FREM1: variants seen among roughly 807,000 people sequenced by gnomAD.
FREM1 encodes FRAS1-related extracellular matrix protein 1.
In FREM1, 220 loss-of-function variants were observed where a neutral mutation model predicts 210.1. The ratio of observed to expected loss-of-function variants is 1.05; its 90% CI spans 0.94 to 1.17. FREM1 has a LOEUF of 1.17. Among genes scored for constraint, FREM1 ranks in the 50% most tolerant of loss-of-function variants. The probability of loss-of-function intolerance (pLI) is 0.00; values close to 1 mark genes in which losing one functional copy is unlikely to be tolerated. For synonymous variants in FREM1, 1,189 were observed against 980.2 expected (o/e 1.21, Z -3.98); for missense variants, 3,454 against 2,675.5 (o/e 1.29, Z -6.42).
At position 14,811,873 on chromosome 9, in the gene FREM1, AC is replaced by A. The variant is rs1819470854; in HGVS notation, c.2893+938del. On this transcript the variant is annotated intron_variant, in intron 16 of 36. Coordinates refer to ENST00000380880, the MANE Select transcript of FREM1 (RefSeq NM_001379081.2). ...CTATACCACTCACCTGGCCTTACAT[AC>A]TTGATCATACTTCCTGCATTGGAAC... 3.9e-5 allele frequency among the ~76,000 whole-genome samples: 6 copies of A among 152,186 alleles called. No homozygotes were observed. The South Asian group carries it at 1.2e-3, about 32-fold the overall frequency.
At chr9:14,851,150 G>T in intron 6 of FREM1, 134 bp downstream of exon 6, 1 of 681,162 alleles carries the variant, frequency 1.5e-6, no homozygotes. Flanking sequence ...CAGTGAGTGT[G>T]CATCCTGATT....
rs1214927448 is a variant in FREM1 at position 14,776,128 on chromosome 9, C to G, written c.4518G>C (p.Leu1506=). 6.3e-7 allele frequency: 1 copy of G among 1,590,138 alleles called. No individual in the cohort carries two copies. The highest frequency in any genetic ancestry group is 1.2e-5 in the South Asian group (1 of 86,362). Residue 1506 remains leucine, a synonymous_variant, in exon 25 of 37, where the codon CTG becomes CTC. Coordinates refer to ENST00000380880, the MANE Select transcript of FREM1 (RefSeq NM_001379081.2). The stretch of plus-strand genomic sequence containing the variant: ...ACCCCTTGTTCCTGGTTACCACAGG[C>G]AGGGCTCTGTCCACAGTCTCCAGTG... ...EITLETVDRA[L]PVVTRNKGLR... is the part of the protein sequence containing the mutation.
At chr9:14,823,985 C>T (rs1821852053) in intron 12 of FREM1, 40 bp downstream of exon 12, 8 of 1,312,886 alleles carry the variant, frequency 6.1e-6, no homozygotes, top group Admixed American at 2.0e-5. Flanking sequence ...TAAGGGCACA[C>T]TTGCATCATG....
At chr9:14,796,995 T>C (rs1220734664) in intron 21 of FREM1, among the ~76,000 whole-genome samples, 1 of 152,170 alleles carries the variant, frequency 6.6e-6, no homozygotes, top group Non-Finnish European at 1.5e-5. Context: ...TTGACCCATA[T>C]GGAACACAGT....
chr9:14,809,097 C>A (rs189815743), intron 16 of FREM1, among the ~76,000 whole-genome samples: 1 of 152,118 alleles, frequency 6.6e-6, no homozygotes, highest in Non-Finnish European at 1.5e-5. Context: ...GTCTTTCCTG[C>A]GCTTTTCTCA....
At chr9:14,817,727 T>C (rs574757611) in intron 14 of FREM1, among the ~76,000 whole-genome samples, 2 of 152,320 alleles carry the variant, frequency 1.3e-5, no homozygotes, top group African/African-American at 4.8e-5. Flanking sequence ...AAAGGTATTT[T>C]ACTGAGGACT....
chr9:14,787,378 C>T (rs921050456), intron 23 of FREM1, among the ~76,000 whole-genome samples: 1 of 152,174 alleles, frequency 6.6e-6, no homozygotes, highest in African/African-American at 2.4e-5. Flanking sequence ...AATGTGTCTA[C>T]TCGGTATAGG....
chr9:14,747,737 G>A lies in FREM1; in HGVS notation c.5797-9C>T, dbSNP rs1842722435. 2.0e-6 allele frequency: 3 copies of A among 1,523,332 alleles called. No homozygotes were observed. Among genetic ancestry groups the A allele is most frequent in the Admixed American group, 2.0e-5 (1 of 49,612 alleles). The allele number at this position is 1,523,332 out of a possible 1,614,324, so 94.4% of individuals were successfully genotyped here. A position where few individuals can be genotyped will look rare whatever the true frequency, so the allele number is the denominator to read the frequency against. Reference sequence around the variant, plus strand: ...ACAGAGGATGGACGAACCTGAAATTGACAGAGAACAAAATATGAACAGAAT... The same window carrying A: ...ACAGAGGATGGACGAACCTGAAATTAACAGAGAACAAAATATGAACAGAAT... On this transcript the variant is annotated splice_polypyrimidine_tract_variant and intron_variant, in intron 31 of 36. Coordinates refer to ENST00000380880, the MANE Select transcript of FREM1 (RefSeq NM_001379081.2).
chr9:14,825,554 T>TATATATATATATATATATAG (rs1822263006), intron 10 of FREM1, among the ~76,000 whole-genome samples: 1 of 138,156 alleles, frequency 7.2e-6, no homozygotes, highest in Non-Finnish European at 1.5e-5. Flanking sequence ...TGTGTATATA[T>TATATATATATATATATATAG]ATATATATAT....
chr9:14,790,287 G>A (rs1851076299), intron 22 of FREM1, among the ~76,000 whole-genome samples: 1 of 152,048 alleles, frequency 6.6e-6, no homozygotes, highest in African/African-American at 2.4e-5. Context: ...TTGCCTTTAT[G>A]TCATTCTACT....
chr9:14,885,467 T>C (rs1431791386), intron 1 of FREM1, among the ~76,000 whole-genome samples: 1 of 152,216 alleles, frequency 6.6e-6, no homozygotes, highest in Non-Finnish European at 1.5e-5. Context: ...TCGCCCAGGC[T>C]AGCATGCAGT....
intron 14 of FREM1, among the ~76,000 whole-genome samples, chr9:14,818,290 A>G (rs767475748): frequency 2.0e-5 from 3 of 152,228 alleles, no homozygotes; most frequent in Admixed American, 6.5e-5. Flanking sequence ...GAAATCTCAA[A>G]AAACATTTTT....
chr9:14,874,220 C>G (rs914366661), intron 1 of FREM1, among the ~76,000 whole-genome samples: 1 of 151,810 alleles, frequency 6.6e-6, no homozygotes, highest in African/African-American at 2.4e-5. Context: ...TCCTGGGTAC[C>G]CTTGTTAACT....
intron 5 of FREM1, among the ~76,000 whole-genome samples, chr9:14,856,467 T>G (rs1828749227): frequency 6.6e-6 from 1 of 152,188 alleles, no homozygotes; most frequent in South Asian, 2.1e-4. Flanking sequence ...GTAATAATGT[T>G]CAATATTTGA....
chr9:14,841,660 C>T (rs1825717038), intron 9 of FREM1, 71 bp from the exon 10 acceptor site: 2 of 1,236,682 alleles, frequency 1.6e-6, no homozygotes, highest in Non-Finnish European at 2.2e-6. Flanking sequence ...TGATATTGGA[C>T]TTATCTTCAA....
intron 5 of FREM1, among the ~76,000 whole-genome samples, chr9:14,853,792 G>A (rs1009884176): frequency 3.3e-5 from 5 of 152,288 alleles, no homozygotes; most frequent in Non-Finnish European, 5.9e-5. Flanking sequence ...TCTAATCTTC[G>A]TGTGTCACTG....
At chr9:14,862,927 A>T (rs980769754) in intron 3 of FREM1, among the ~76,000 whole-genome samples, 14 of 152,150 alleles carry the variant, frequency 9.2e-5, no homozygotes, top group African/African-American at 3.4e-4. Flanking sequence ...ATAATGTTGC[A>T]TTGAACTTTA....
intron 1 of FREM1, among the ~76,000 whole-genome samples, chr9:14,870,117 T>C (rs1432993700): frequency 6.6e-6 from 1 of 152,226 alleles, no homozygotes; most frequent in Non-Finnish European, 1.5e-5. Flanking sequence ...TAGTGGTTTG[T>C]TATGCCCAAA....
Position 14,807,978 on chromosome 9 carries a change from A to G in FREM1, c.3050T>C (p.Val1017Ala), listed in dbSNP as rs1346447522. 1.2e-6 allele frequency: 2 copies of G among 1,613,872 alleles called. No homozygotes were observed. The highest frequency in any genetic ancestry group is 3.3e-5 in the Admixed American group (2 of 60,014). ...SFPVYDLNIT[V>A]YPVDNQPPSI... ...AGGTGGCTGGTTGTCTACTGGGTAT[A>G]CCGTGATGTTGAGATCATACACTGG... Residue 1017 changes from valine (V) to alanine (A), a missense_variant, in exon 17 of 37, where the codon GTA becomes GCA. Coordinates refer to ENST00000380880, the MANE Select transcript of FREM1 (RefSeq NM_001379081.2).
Sources: allele counts gnomAD v4.1 joint callset (sites outside exome capture counted in the v4.1 genomes callset), GRCh38; gene constraint gnomAD v4.1.1; transcripts MANE v1.5; gene names NCBI Gene and HGNC (gene_info 2026-07-23, HGNC 2026-07-21).